CACNA1H: variants seen among roughly 807,000 people sequenced by gnomAD.
CACNA1H encodes the protein calcium voltage-gated channel subunit alpha1 H, also known as voltage-dependent T-type calcium channel subunit alpha-1H.
Under a neutral mutation model 192.5 loss-of-function variants are expected in CACNA1H, and 149 were observed. That is an observed-to-expected ratio of 0.77 (90% CI 0.68 to 0.89). The LOEUF is 0.89. Among genes scored for constraint, CACNA1H ranks in the 40% least tolerant of loss-of-function variants. The pLI is 0.00. For synonymous variants in CACNA1H, 2,202 were observed against 1,475.2 expected (o/e 1.49, Z -11.29); for missense variants, 4,257 against 3,423.5 (o/e 1.24, Z -6.08).
In CACNA1H at chr16:1,191,806, C is replaced by T. The variant is rs528940419; in HGVS notation, c.300-3166C>T. Among the ~76,000 whole-genome samples, 7 of 111,322 alleles carry T rather than the reference C, an allele frequency of 6.3e-5. No individual in the cohort carries two copies. The East Asian group carries it at 1.3e-3, about 21-fold the overall frequency. The allele number at this position is 111,322 out of a possible 152,430, so 73.0% of individuals were successfully genotyped here. Reference sequence around the variant, plus strand: ...GCCTGGCTGTGTGGCCTCAGGCACACTCGGGGTTTCGGTGACCCAGCAGGC... The same window carrying T: ...GCCTGGCTGTGTGGCCTCAGGCACATTCGGGGTTTCGGTGACCCAGCAGGC... On this transcript the variant is annotated intron_variant, in intron 2 of 34. Coordinates refer to ENST00000348261, the MANE Select transcript of CACNA1H (RefSeq NM_021098.3).
rs1267907385 is a variant in CACNA1H at position 1,220,943 on chromosome 16, G to A, written c.7011G>A (p.Gly2337=). The change falls in exon 35 of 35, where the codon GGG becomes GGA. Residue 2337 remains glycine, a synonymous_variant. Coordinates refer to ENST00000348261, the MANE Select transcript of CACNA1H (RefSeq NM_021098.3). ...TVPQCPLEKP[G]SPSATPAPGG... is the part of the protein sequence containing the mutation. The stretch of plus-strand genomic sequence containing the variant: ...CCCAGTGTCCTCTGGAGAAACCAGG[G>A]TCCCCCTCAGCCACCCCTGCCCCAG... 6.2e-7 allele frequency: 1 copy of A among 1,607,622 alleles called. No individual in the cohort carries two copies. Among genetic ancestry groups the A allele is most frequent in the Non-Finnish European group, 8.5e-7 (1 of 1,176,836 alleles).
chr16:1,155,427 C>G (rs1317790811), intron 2 of CACNA1H, among the ~76,000 whole-genome samples: 1 of 152,162 alleles, frequency 6.6e-6, no homozygotes, highest in Non-Finnish European at 1.5e-5. Context: ...GGTCATGCCC[C>G]TTTGTTCTGG....
chr16:1,162,639 T>TGG (rs36082375), intron 2 of CACNA1H, among the ~76,000 whole-genome samples: 2,042 of 92,916 alleles, frequency 0.022, 63 homozygotes, highest in African/African-American at 0.03. Context: ...ACACCTGGAG[T>TGG]GGGGGGGGGG....
chr16:1,221,236 G>C lies in CACNA1H; in HGVS notation c.*242G>C, dbSNP rs779169763. The C allele has an allele frequency of 2.0e-6, 1 of 497,084 alleles. No individual in the cohort carries two copies. The highest frequency in any genetic ancestry group is 3.1e-5 in the East Asian group (1 of 32,226). The allele number at this position is 497,084 out of a possible 1,614,324, so 30.8% of individuals were successfully genotyped here. A position where few individuals can be genotyped will look rare whatever the true frequency, so the allele number is the denominator to read the frequency against. ...CCGAGTTTTGCTACCAGCCGAGGCT[G>C]TGCGGGCAACTGGGTCAGCCTCCCG... On this transcript the variant is annotated 3_prime_UTR_variant, in exon 35 of 35. Transcript: ENST00000348261.
chr16:1,208,537 G>A (rs56806417), intron 16 of CACNA1H, among the ~76,000 whole-genome samples: 2,839 of 152,270 alleles, frequency 0.019, 101 homozygotes, highest in African/African-American at 0.065. Context: ...CAGGCCAGGC[G>A]GGGGTTCCGC....
Position 1,212,119 on chromosome 16 carries a change from C to T in CACNA1H, c.4740C>T (p.Arg1580=). The stretch of plus-strand genomic sequence containing the variant: ...GGCGAGAGGAGAAGCGGCTGCGGCG[C>T]CTAGAGAGGAGGCGCAGGAGTAAGG... ...ARRREEKRLR[R]LERRRRSTFP... is the part of the protein sequence containing the mutation. Residue 1580 remains arginine, a synonymous_variant, in exon 25 of 35, where the codon CGC becomes CGT. Transcript: ENST00000348261. 2 of 1,608,182 alleles carry T rather than the reference C, an allele frequency of 1.2e-6. No homozygotes were observed. Among genetic ancestry groups the T allele is most frequent in the Non-Finnish European group, 1.7e-6 (2 of 1,179,418 alleles).
intron 2 of CACNA1H, among the ~76,000 whole-genome samples, chr16:1,188,911 G>A (rs527339338): frequency 2.0e-5 from 3 of 152,310 alleles, no homozygotes; most frequent in Non-Finnish European, 4.4e-5. Context: ...AGCACTGCCC[G>A]CCCTGCGTCC....
chr16:1,220,515 G>A lies in CACNA1H; in HGVS notation c.6583G>A (p.Glu2195Lys), dbSNP rs1555521047. Residue 2195 changes from glutamate (E) to lysine (K), a missense_variant, in exon 35 of 35, where the codon GAA becomes AAA. Transcript: ENST00000348261. The stretch of plus-strand genomic sequence containing the variant: ...GATGAGCCCCCCCTGCATCTCGGTG[G>A]AACCCCCTGCGGAGGACGAGGGCTC... The part of the protein sequence containing the change: ...KKMSPPCISV[E>K]PPAEDEGSAR... 1 of 1,539,722 alleles carries A rather than the reference G, an allele frequency of 6.5e-7. No individual in the cohort carries two copies. Among genetic ancestry groups the A allele is most frequent in the Non-Finnish European group, 8.7e-7 (1 of 1,151,732 alleles).
At chr16:1,171,190 C>T (rs1194086209) in intron 2 of CACNA1H, among the ~76,000 whole-genome samples, 2 of 152,128 alleles carry the variant, frequency 1.3e-5, no homozygotes, top group African/African-American at 4.8e-5. Context: ...CTGCCCTGCC[C>T]AGCTGTCTGC....
intron 2 of CACNA1H, among the ~76,000 whole-genome samples, chr16:1,163,235 G>A (rs11864086): frequency 0.074 from 11,305 of 152,326 alleles, 1,276 homozygotes; most frequent in African/African-American, 0.24. Flanking sequence ...CCTGGTGCCC[G>A]TCTGCAGGGC....
intron 2 of CACNA1H, among the ~76,000 whole-genome samples, chr16:1,162,796 G>T (rs748599217): frequency 1.3e-5 from 2 of 152,188 alleles, no homozygotes; most frequent in African/African-American, 4.8e-5. Context: ...GGGACCATCC[G>T]CCAGGGCTGT....
rs764605091 is a variant in CACNA1H at position 1,207,054 on chromosome 16, G to A, written c.2843G>A (p.Gly948Glu). 6.2e-7 allele frequency: 1 copy of A among 1,603,062 alleles called. No individual in the cohort carries two copies. The highest frequency in any genetic ancestry group is 1.1e-5 in the South Asian group (1 of 89,100). Residue 948 changes from glycine (G) to glutamate (E), a missense_variant, in exon 13 of 35, where the codon GGA becomes GAA. By Grantham distance (98) the Gly-to-Glu change is moderately conservative (BLOSUM62 -2). Coordinates refer to ENST00000348261, the MANE Select transcript of CACNA1H (RefSeq NM_021098.3). Reference protein sequence around the residue: ...GCKFSLKTDTGDTVPDRKNFD... With the variant: ...GCKFSLKTDTEDTVPDRKNFD... ...AAGTTCAGCCTGAAGACAGACACCG[G>A]AGACACCGTGCCTGACAGGAAGAAC...
chr16:1,212,079 C>A lies in CACNA1H; in HGVS notation c.4700C>A (p.Ala1567Glu). The A allele has an allele frequency of 1.2e-6, 2 of 1,612,586 alleles. No homozygotes were observed. The highest frequency in any genetic ancestry group is 1.7e-6 in the Non-Finnish European group (2 of 1,179,624). Residue 1567 changes from alanine to glutamate, a missense_variant, in exon 25 of 35, where the codon GCG becomes GAG. Ala to Glu is a moderately radical substitution (Grantham distance 107). Coordinates refer to ENST00000348261, the MANE Select transcript of CACNA1H (RefSeq NM_021098.3). ...CACAAGTGCCGGCAGCACCAGGAGG[C>A]GGAGGAGGCGCGGCGGCGAGAGGAG... ...NFHKCRQHQEAEEARRREEKR... is the reference protein window; with the variant it reads ...NFHKCRQHQEEEEARRREEKR...
chr16:1,215,728 C>G, intron 30 of CACNA1H, 135 bp downstream of exon 30: 1 of 727,466 alleles, frequency 1.4e-6, no homozygotes, highest in Non-Finnish European at 2.3e-6. Context: ...TGCGTCCCTG[C>G]TGTGTGCAGT....
chr16:1,198,856 C>G, intron 6 of CACNA1H, 82 bp downstream of exon 6: 1 of 1,358,376 alleles, frequency 7.4e-7, no homozygotes, highest in East Asian at 2.5e-5. Flanking sequence ...GGCTCCACCG[C>G]CCCACGTGGC....
chr16:1,158,078 G>A (rs1962670197), intron 2 of CACNA1H: 2 of 152,302 alleles, frequency 1.3e-5, no homozygotes, highest in Admixed American at 1.3e-4. Flanking sequence ...TGAAGCCACC[G>A]ACTGGCATTG....
At chr16:1,173,432 G>T (rs979628643) in intron 2 of CACNA1H, among the ~76,000 whole-genome samples, 2 of 152,238 alleles carry the variant, frequency 1.3e-5, no homozygotes, top group African/African-American at 4.8e-5. Flanking sequence ...GACGGACGAA[G>T]CCCAAAGCCT....
chr16:1,213,771 T>A lies in CACNA1H; in HGVS notation c.4778-9T>A. The A allele has an allele frequency of 6.5e-7, 1 of 1,541,268 alleles. No individual in the cohort carries two copies. The highest frequency in any genetic ancestry group is 8.7e-7 in the Non-Finnish European group (1 of 1,145,888). On this transcript the variant is annotated splice_polypyrimidine_tract_variant and intron_variant, in intron 26 of 34. Transcript: ENST00000348261. ...TCCTGCCCGGCGCTCATGGCCGCCCTCCCCGCAGAGGCCCAGCGCCGGCCC... is the reference window on the plus strand; with the variant it reads ...TCCTGCCCGGCGCTCATGGCCGCCCACCCCGCAGAGGCCCAGCGCCGGCCC...
intron 2 of CACNA1H, among the ~76,000 whole-genome samples, chr16:1,186,830 C>T (rs1224490362): frequency 1.3e-5 from 2 of 152,228 alleles, no homozygotes; most frequent in South Asian, 2.1e-4. Flanking sequence ...AGGGCCGTGA[C>T]CACCACCATG....
Sources: gnomAD v4.1 joint callset for allele counts (sites outside exome capture counted in the v4.1 genomes callset) on GRCh38, gnomAD v4.1.1 for gene constraint, MANE v1.5 for transcripts, NCBI Gene and HGNC (gene_info 2026-07-23, HGNC 2026-07-21) for gene names.